The following ZNF716 variants were observed in gnomAD, a reference collection of about 807,000 sequenced individuals.
ZNF716 encodes the protein zinc finger protein 716.
A neutral mutation model predicts 13.4 loss-of-function variants in ZNF716; 9 were observed. The ratio of observed to expected loss-of-function variants is 0.67; its 90% CI spans 0.41 to 1.18. The LOEUF (loss-of-function observed/expected upper bound fraction) is 1.18, where lower values mean the gene tolerates loss of function less well. ZNF716 is among the 50% of genes most tolerant of loss of function. ZNF716 has a pLI of 0.01. For synonymous variants in ZNF716, 186 were observed against 195.2 expected, an observed-to-expected ratio of 0.95 and a Z score of 0.39; for missense variants, 581 against 576.6, an observed-to-expected ratio of 1.01 and a Z score of -0.08.
chr7:57,457,490 G>A (rs1173496514), intron 1 of ZNF716, among the ~76,000 whole-genome samples: 2 of 152,068 alleles, frequency 1.3e-5, no homozygotes, highest in African/African-American at 4.8e-5. Flanking sequence ...GATTACAGGT[G>A]TGTGCCACCA....
At chr7:57,453,327 T>C (rs7781355) in intron 1 of ZNF716, among the ~76,000 whole-genome samples, 5,458 of 152,252 alleles carry the variant, frequency 0.036, 313 homozygotes, top group East Asian at 0.24. Context: ...CTCAAGTGAT[T>C]GGACGGTTTG....
chr7:57,470,124 C>T lies in ZNF716; in HGVS notation c.*175C>T. 1.5e-6 allele frequency: 1 copy of T among 669,386 alleles called. No homozygotes were observed. 41.5% of individuals were successfully genotyped at this position (669,386 alleles called of 1,614,324 possible). ...TAAATGTAAAAAAAAAAGTAACAGC[C>T]TTTAACCACCCCTCAAACCTTAATG... is the stretch of plus-strand genomic sequence containing the variant. On this transcript the variant is annotated 3_prime_UTR_variant, in exon 4 of 4. Coordinates refer to ENST00000420713, the MANE Select transcript of ZNF716 (RefSeq NM_001159279.1).
chr7:57,471,952 T>G lies in ZNF716; in HGVS notation c.*2003T>G, dbSNP rs781891812. On this transcript the variant is annotated 3_prime_UTR_variant, in exon 4 of 4. Transcript: ENST00000420713. ...ATGCTTCTTTCTTTGTAAAAAAAAA[T>G]ATAGATTTTCTGAAAAGCAAATAGT... The G allele has an allele frequency of 6.6e-5, 10 of 152,104 alleles. No individual in the cohort carries two copies. The highest frequency in any genetic ancestry group is 1.2e-4 in the Non-Finnish European group (8 of 67,976). 9.4% of individuals were successfully genotyped at this position (152,104 alleles called of 1,614,324 possible).
At chr7:57,460,686 G>T (rs1789692576) in intron 1 of ZNF716, among the ~76,000 whole-genome samples, 1 of 152,124 alleles carries the variant, frequency 6.6e-6, no homozygotes, top group South Asian at 2.1e-4. Context: ...TTGAACATGA[G>T]AAGGTGTGGA....
chr7:57,471,668 A>G lies in ZNF716; in HGVS notation c.*1719A>G, dbSNP rs547585232. ...AAAGTGTAAATGAATGTCAAAAAAT[A>G]TTTGTTCAAAAACTACAGTTTAGAA... On this transcript the variant is annotated 3_prime_UTR_variant, in exon 4 of 4. Transcript: ENST00000420713. 3 of 152,334 alleles carry G rather than the reference A, an allele frequency of 2.0e-5. No individual in the cohort carries two copies. Among genetic ancestry groups the G allele is most frequent in the Non-Finnish European group, 4.4e-5 (3 of 68,032 alleles). 9.4% of individuals were successfully genotyped at this position (152,334 alleles called of 1,614,324 possible).
At chr7:57,460,881 G>A (rs1297487351) in intron 1 of ZNF716, among the ~76,000 whole-genome samples, 5 of 152,074 alleles carry the variant, frequency 3.3e-5, no homozygotes, top group Non-Finnish European at 5.9e-5. Context: ...TGCTCTCCAG[G>A]GTGCTAAGGA....
intron 1 of ZNF716, 93 bp downstream of exon 1, chr7:57,450,420 C>A: frequency 6.2e-7 from 1 of 1,606,832 alleles, no homozygotes; most frequent in East Asian, 2.2e-5. Flanking sequence ...TCCTCGCAGT[C>A]AGCTCCGGAG....
chr7:57,467,187 TG>T (rs1442994244), intron 3 of ZNF716, among the ~76,000 whole-genome samples: 1 of 152,112 alleles, frequency 6.6e-6, no homozygotes, highest in Non-Finnish European at 1.5e-5. Flanking sequence ...GTCTTATTAA[TG>T]TCACTAATTA....
At position 57,473,428 on chromosome 7, in the gene ZNF716, G is replaced by A. The variant is rs1338222809; in HGVS notation, c.*3479G>A. 1.3e-5 allele frequency: 2 copies of A among 152,100 alleles called. No homozygotes were observed. Among genetic ancestry groups the A allele is most frequent in the African/African-American group, 4.8e-5 (2 of 41,390 alleles). The allele number at this position is 152,100 out of a possible 1,614,324, so 9.4% of individuals were successfully genotyped here. On this transcript the variant is annotated 3_prime_UTR_variant, in exon 4 of 4. Transcript: ENST00000420713. ...CCAGTTACTCAGGAGGCTGAGGCAG[G>A]AGAATTGCTTGAACCTCGGAGGTGG...
intron 1 of ZNF716, among the ~76,000 whole-genome samples, chr7:57,452,977 T>C (rs73345914): frequency 0.036 from 5,448 of 151,982 alleles, 312 homozygotes; most frequent in East Asian, 0.24. Flanking sequence ...GGGCTGAGAG[T>C]GATCTCCTGG....
Position 57,469,245 on chromosome 7 carries a change from A to C in ZNF716, c.784A>C (p.Ile262Leu). ...TGCATCCCTTACTAAACATAAGAGAATTCATACTGGAGAGAAACCTTACAC... is the reference window on the plus strand; with the variant it reads ...TGCATCCCTTACTAAACATAAGAGACTTCATACTGGAGAGAAACCTTACAC... ...WSASLTKHKR[I>L]HTGEKPYTCE... The change falls in exon 4 of 4, where the codon ATT becomes CTT. Residue 262 changes from isoleucine to leucine, a missense_variant. Transcript: ENST00000420713. The C allele has an allele frequency of 3.7e-6, 6 of 1,611,806 alleles. No homozygotes were observed. The highest frequency in any genetic ancestry group is 5.1e-6 in the Non-Finnish European group (6 of 1,178,810).
intron 1 of ZNF716, among the ~76,000 whole-genome samples, chr7:57,458,096 G>C (rs1789635836): frequency 6.6e-6 from 1 of 152,184 alleles, no homozygotes; most frequent in Non-Finnish European, 1.5e-5. Context: ...TTGCTATTGT[G>C]AATAGTGCTG....
Position 57,469,885 on chromosome 7 carries a change from G to C in ZNF716, c.1424G>C (p.Trp475Ser). The C allele has an allele frequency of 6.3e-7, 1 of 1,593,770 alleles. No homozygotes were observed. ...KCEECDQTFK[W>S]HSSLANHKNM... ...GAAGAATGTGACCAAACTTTTAAGT[G>C]GCATTCAAGTCTTGCTAATCATAAG... Residue 475 changes from tryptophan to serine, a missense_variant, in exon 4 of 4, where the codon TGG (tryptophan) becomes TCG (serine). By Grantham distance (177) the Trp-to-Ser change is radical. Coordinates refer to ENST00000420713, the MANE Select transcript of ZNF716 (RefSeq NM_001159279.1).
At chr7:57,465,984 A>G (rs138468090) in intron 3 of ZNF716, among the ~76,000 whole-genome samples, 2,979 of 151,094 alleles carry the variant, frequency 0.02, 113 homozygotes, top group African/African-American at 0.066. Context: ...GAATTGAACA[A>G]TGAGAACACA....
chr7:57,454,235 A>G (rs1399039500), intron 1 of ZNF716, among the ~76,000 whole-genome samples: 2 of 152,232 alleles, frequency 1.3e-5, no homozygotes, highest in Non-Finnish European at 2.9e-5. Flanking sequence ...ATGTCCTCTT[A>G]TGGAAATAAG....
intron 1 of ZNF716, among the ~76,000 whole-genome samples, chr7:57,454,790 C>T (rs1238666587): frequency 4.6e-5 from 7 of 152,102 alleles, no homozygotes; most frequent in South Asian, 2.1e-4. Context: ...TTTGGGAGGC[C>T]GAGGCGGGCG....
chr7:57,458,842 T>A (rs1245946626), intron 1 of ZNF716, among the ~76,000 whole-genome samples: 1 of 152,238 alleles, frequency 6.6e-6, no homozygotes, highest in Non-Finnish European at 1.5e-5. Context: ...TGAAGTTGAT[T>A]TGCTCTTTTT....
At chr7:57,451,766 C>CT (rs1297143570) in intron 1 of ZNF716, among the ~76,000 whole-genome samples, 4 of 130,446 alleles carry the variant, frequency 3.1e-5, no homozygotes, top group East Asian at 5.0e-4. Context: ...TCAACTCTTT[C>CT]TTTCTTTTTT....
intron 1 of ZNF716, among the ~76,000 whole-genome samples, chr7:57,455,891 A>G (rs35902338): frequency 0.28 from 42,548 of 151,442 alleles, 6,021 homozygotes; most frequent in South Asian, 0.32. Context: ...TTTTTTTTGT[A>G]CATCTTTTCT....
Sources: gnomAD v4.1 joint callset for allele counts (sites outside exome capture counted in the v4.1 genomes callset) on GRCh38, gnomAD v4.1.1 for gene constraint, MANE v1.5 for transcripts, NCBI Gene and HGNC (gene_info 2026-07-23, HGNC 2026-07-21) for gene names.